SNX6: variants seen among roughly 807,000 people sequenced by gnomAD.
The protein encoded by SNX6 is sorting nexin-6.
In SNX6, 34 loss-of-function variants were observed where a neutral mutation model predicts 63.0. That is an observed-to-expected ratio of 0.54 (90% CI 0.41 to 0.72). SNX6 has a LOEUF of 0.72. Ranked by LOEUF, SNX6 falls within the 30% of genes least tolerant of loss-of-function variation. SNX6 has a pLI of 0.00. For synonymous variants in SNX6, 170 were observed against 164.2 expected (o/e 1.04, Z -0.27); for missense variants, 398 against 471.4 (o/e 0.84, Z 1.44).
At chr14:34,628,316 G>A (rs1185773639) in intron 2 of SNX6, among the ~76,000 whole-genome samples, 2 of 152,114 alleles carry the variant, frequency 1.3e-5, no homozygotes, top group African/African-American at 2.4e-5. Flanking sequence ...AAAATTAGCC[G>A]GGCGTGGTGG....
Position 34,605,828 on chromosome 14 carries a change from G to A in SNX6, c.271-111C>T, listed in dbSNP as rs1382982895. ...GGAAAGCTAAGGGGATCCAGAATGA[G>A]CTGAACACCAGGAACACCCAAATTC... On this transcript the variant is annotated intron_variant, in intron 4 of 13. Transcript: ENST00000362031. 1.6e-5 allele frequency: 21 copies of A among 1,315,728 alleles called. No homozygotes were observed. The Admixed American group carries it at 5.4e-4, about 34-fold the overall frequency. 81.5% of individuals were successfully genotyped at this position (1,315,728 alleles called of 1,614,324 possible).
intron 7 of SNX6, among the ~76,000 whole-genome samples, chr14:34,597,107 A>G (rs79804359): frequency 0.019 from 2,906 of 152,308 alleles, 88 homozygotes; most frequent in African/African-American, 0.065. Flanking sequence ...ATCTAGGAGG[A>G]CTTCATGTGC....
chr14:34,581,449 C>A (rs1049576966), intron 10 of SNX6, 112 bp downstream of exon 10: 2 of 584,006 alleles, frequency 3.4e-6, no homozygotes, highest in African/African-American at 1.8e-5. Context: ...ACGTGCCTGG[C>A]CAATAGTGAT....
intron 8 of SNX6, among the ~76,000 whole-genome samples, chr14:34,591,436 G>A (rs565608049): frequency 1.2e-4 from 18 of 152,090 alleles, no homozygotes; most frequent in Non-Finnish European, 1.9e-4. Context: ...GGTCTTTATT[G>A]GTCTATCTAG....
chr14:34,580,578 C>T (rs1190133025), intron 10 of SNX6, among the ~76,000 whole-genome samples: 2 of 152,170 alleles, frequency 1.3e-5, no homozygotes, highest in African/African-American at 2.4e-5. Flanking sequence ...GCATTATGGG[C>T]GTGACCCACC....
intron 2 of SNX6, among the ~76,000 whole-genome samples, chr14:34,623,323 G>A (rs1883698103): frequency 6.6e-6 from 1 of 152,048 alleles, no homozygotes; most frequent in African/African-American, 2.4e-5. Flanking sequence ...AAGTGTAGAC[G>A]TACTTGGGCA....
intron 9 of SNX6, among the ~76,000 whole-genome samples, chr14:34,583,777 G>A (rs767533078): frequency 2.6e-5 from 4 of 151,460 alleles, no homozygotes; most frequent in African/African-American, 4.9e-5. Context: ...ACAGATTTAC[G>A]TTAGAGAACA....
intron 8 of SNX6, among the ~76,000 whole-genome samples, chr14:34,588,942 T>C (rs540298575): frequency 3.2e-4 from 49 of 152,286 alleles, no homozygotes; most frequent in African/African-American, 1.1e-3. Flanking sequence ...AAGACCAGCC[T>C]GGCCAACATG....
chr14:34,583,821 TAAG>T (rs1176988725), intron 9 of SNX6, among the ~76,000 whole-genome samples: 3 of 148,846 alleles, frequency 2.0e-5, no homozygotes, highest in Non-Finnish European at 4.4e-5. Context: ...TTCTTCCTGA[TAAG>T]AAGAATTAAC....
intron 2 of SNX6, among the ~76,000 whole-genome samples, chr14:34,628,126 T>C (rs944841553): frequency 6.6e-6 from 1 of 152,100 alleles, no homozygotes; most frequent in Non-Finnish European, 1.5e-5. Flanking sequence ...GCCCAGGAGT[T>C]TGACACTGGC....
At chr14:34,569,344 C>T (rs922167117) in intron 11 of SNX6, among the ~76,000 whole-genome samples, 1 of 152,174 alleles carries the variant, frequency 6.6e-6, no homozygotes, top group African/African-American at 2.4e-5. Context: ...CAGCCACTTG[C>T]CATTTCCCCA....
chr14:34,575,983 G>C (rs1288360203), intron 10 of SNX6, 141 bp from the exon 11 acceptor site: 1 of 360,234 alleles, frequency 2.8e-6, no homozygotes, highest in Admixed American at 4.5e-5. Context: ...GAGTGCAGTG[G>C]CGCTATCTTG....
intron 10 of SNX6, among the ~76,000 whole-genome samples, chr14:34,581,232 C>A (rs1437814456): frequency 6.6e-6 from 1 of 152,188 alleles, no homozygotes; most frequent in Non-Finnish European, 1.5e-5. Flanking sequence ...TGGCTCACTA[C>A]AACGTTGGCC....
chr14:34,570,130 G>A (rs1016754742), intron 11 of SNX6, among the ~76,000 whole-genome samples: 1 of 151,530 alleles, frequency 6.6e-6, no homozygotes, highest in African/African-American at 2.4e-5. Flanking sequence ...GTGCAATGGC[G>A]CGATCTCAGC....
intron 11 of SNX6, chr14:34,568,693 T>A: frequency 1.1e-6 from 1 of 941,348 alleles, no homozygotes. Context: ...TTTGTTCTAA[T>A]GCTTCTTGTT....
At chr14:34,618,408 T>A (rs1035734580) in intron 2 of SNX6, among the ~76,000 whole-genome samples, 2 of 152,102 alleles carry the variant, frequency 1.3e-5, no homozygotes, top group Non-Finnish European at 2.9e-5. Flanking sequence ...TGGAGTACAG[T>A]GGTGTGATCT....
intron 4 of SNX6, 110 bp from the exon 5 acceptor site, chr14:34,605,827 A>C: frequency 1.5e-6 from 2 of 1,324,756 alleles, no homozygotes; most frequent in Admixed American, 2.7e-5. Context: ...ATCCAGAATG[A>C]GCTGAACACC....
chr14:34,568,492 G>A (rs56220345), intron 11 of SNX6, among the ~76,000 whole-genome samples: 2,644 of 151,996 alleles, frequency 0.017, 31 homozygotes, highest in Middle Eastern at 0.027. Context: ...GCCTCCCAAA[G>A]TTATTCTAAT....
At chr14:34,582,594 C>T (rs1566471827) in intron 9 of SNX6, among the ~76,000 whole-genome samples, 1 of 151,632 alleles carries the variant, frequency 6.6e-6, no homozygotes, top group Non-Finnish European at 1.5e-5. Flanking sequence ...TTTCTTGCCC[C>T]AGCCGCAGTG....
Sources: allele counts gnomAD v4.1 joint callset (sites outside exome capture counted in the v4.1 genomes callset), GRCh38; gene constraint gnomAD v4.1.1; transcripts MANE v1.5; gene names NCBI Gene and HGNC (gene_info 2026-07-23, HGNC 2026-07-21).